The following WNT7B variants were observed in gnomAD, a reference collection of about 807,000 sequenced individuals.
WNT7B encodes the protein Wnt family member 7B, also known as protein Wnt-7b.
Under a neutral mutation model 38.2 loss-of-function variants are expected in WNT7B, and 19 were observed. The observed-to-expected ratio is 0.50, with a 90% CI of 0.35 to 0.73. WNT7B has a LOEUF of 0.73. Among genes scored for constraint, WNT7B ranks in the 30% least tolerant of loss-of-function variants. The pLI is 0.01. For synonymous variants in WNT7B, 243 were observed against 209.3 expected (o/e 1.16, Z -1.39); for missense variants, 423 against 507.9 (o/e 0.83, Z 1.61).
At chr22:45,939,283 C>G (rs895360681) in intron 2 of WNT7B, among the ~76,000 whole-genome samples, 1 of 152,164 alleles carries the variant, frequency 6.6e-6, no homozygotes, top group African/African-American at 2.4e-5. Flanking sequence ...CACTGCCACT[C>G]CTATGCATAC....
intron 3 of WNT7B, chr22:45,926,593 G>A (rs965750394): frequency 1.3e-5 from 13 of 985,390 alleles, no homozygotes; most frequent in East Asian, 1.1e-4. Flanking sequence ...CACTGGGGCC[G>A]ACAGAAGGCA....
chr22:45,928,118 C>T (rs1190423898), intron 3 of WNT7B, among the ~76,000 whole-genome samples: 1 of 152,190 alleles, frequency 6.6e-6, no homozygotes. Context: ...AACAGGTGTC[C>T]TTTGCTCTAA....
chr22:45,942,658 C>T (rs567035636), intron 2 of WNT7B, among the ~76,000 whole-genome samples: 7 of 150,148 alleles, frequency 4.7e-5, no homozygotes, highest in Admixed American at 3.3e-4. Context: ...CCTAATTCTG[C>T]GGCTTACACG....
At chr22:45,960,625 CG>C (rs1932175040) in intron 1 of WNT7B, among the ~76,000 whole-genome samples, 1 of 152,244 alleles carries the variant, frequency 6.6e-6, no homozygotes, top group South Asian at 2.1e-4. Context: ...GCTTCTGGCC[CG>C]GGGCGCTTTG....
intron 1 of WNT7B, among the ~76,000 whole-genome samples, chr22:45,961,640 C>T (rs1165103967): frequency 5.2e-5 from 7 of 135,158 alleles, no homozygotes; most frequent in East Asian, 2.2e-4. Context: ...TGGGCAAGGA[C>T]GGGGCTGGGG....
chr22:45,972,293 CCAGCTGAGGCCGGGGT>C (rs1289526801), intron 1 of WNT7B: 7 of 548,960 alleles, frequency 1.3e-5, no homozygotes, highest in Non-Finnish European at 2.3e-5. Flanking sequence ...GGCGCCTGGG[CCAGCTGAGGCCGGGGT>C]CCCCGCGGAG....
Position 45,927,637 on chromosome 22 carries a change from T to C in WNT7B, c.570+3461A>G, listed in dbSNP as rs938331338. The C allele has an allele frequency of 1.6e-5, 13 of 792,876 alleles. No homozygotes were observed. In the South Asian group the frequency reaches 1.9e-4, roughly 11 times the overall value. The allele number at this position is 792,876 out of a possible 1,614,324, so 49.1% of individuals were successfully genotyped here. A position where few individuals can be genotyped will look rare whatever the true frequency, so the allele number is the denominator to read the frequency against. On this transcript the variant is annotated intron_variant, in intron 3 of 3. Transcript: ENST00000339464. ...AGGGCCAGGTGCAGTGGCTCACACCTGTAATCCAAGCACTTTGGGAGGCCG... is the reference window on the plus strand; with the variant it reads ...AGGGCCAGGTGCAGTGGCTCACACCCGTAATCCAAGCACTTTGGGAGGCCG...
intron 3 of WNT7B, chr22:45,927,082 C>T (rs1931108297): frequency 2.0e-6 from 2 of 985,432 alleles, no homozygotes; most frequent in Non-Finnish European, 2.4e-6. Context: ...GCCCCCAGGC[C>T]TCTGCAGATG....
At chr22:45,926,184 G>A in intron 3 of WNT7B, 1 of 985,442 alleles carries the variant, frequency 1.0e-6, no homozygotes, top group African/African-American at 1.7e-5. Flanking sequence ...AGTGATCACA[G>A]GGTTCAAGAA....
At chr22:45,935,289 G>A (rs138351855) in intron 2 of WNT7B, among the ~76,000 whole-genome samples, 307 of 152,280 alleles carry the variant, frequency 2.0e-3, no homozygotes, top group South Asian at 4.1e-3. Flanking sequence ...CCTCTGAGAC[G>A]ACTTCCAGTG....
At chr22:45,945,247 C>T (rs1931766797) in intron 2 of WNT7B, among the ~76,000 whole-genome samples, 1 of 152,110 alleles carries the variant, frequency 6.6e-6, no homozygotes, top group Admixed American at 6.5e-5. Context: ...CCACACTCAG[C>T]TAATTTTGAA....
chr22:45,932,117 C>T (rs1931382629), intron 2 of WNT7B, among the ~76,000 whole-genome samples: 1 of 152,174 alleles, frequency 6.6e-6, no homozygotes, highest in Non-Finnish European at 1.5e-5. Flanking sequence ...CCAGCTGGTT[C>T]CCTCCAAGGG....
intron 1 of WNT7B, among the ~76,000 whole-genome samples, chr22:45,963,649 C>G (rs1005042807): frequency 3.3e-5 from 5 of 152,294 alleles, no homozygotes; most frequent in South Asian, 2.1e-4. Flanking sequence ...CTTTTCCCCC[C>G]ACCTTTGGGC....
intron 1 of WNT7B, among the ~76,000 whole-genome samples, chr22:45,969,511 G>A (rs1246612274): frequency 3.3e-5 from 5 of 152,214 alleles, no homozygotes; most frequent in Non-Finnish European, 7.3e-5. Flanking sequence ...ACTGACCCCC[G>A]CTGGCCCTGG....
chr22:45,925,525 C>T lies in WNT7B; in HGVS notation c.571-2190G>A, dbSNP rs73175049. On this transcript the variant is annotated intron_variant, in intron 3 of 3. Coordinates refer to ENST00000339464, the MANE Select transcript of WNT7B (RefSeq NM_058238.3). ...AGGTCATGGGCCAGAGCCTGGACTGCGTGTCTGGGCGACCCCCAGAGAGTA... is the reference window on the plus strand; with the variant it reads ...AGGTCATGGGCCAGAGCCTGGACTGTGTGTCTGGGCGACCCCCAGAGAGTA... 8,319 of 985,232 alleles carry T rather than the reference C, an allele frequency of 8.4e-3. 48 individuals are homozygous for T. Among genetic ancestry groups the T allele is most frequent in the Non-Finnish European group, 9.6e-3 (7,942 of 829,868 alleles). The allele number at this position is 985,232 out of a possible 1,614,324, so 61.0% of individuals were successfully genotyped here. A position where few individuals can be genotyped will look rare whatever the true frequency, so the allele number is the denominator to read the frequency against.
At chr22:45,928,795 C>T (rs1174510302) in intron 3 of WNT7B, among the ~76,000 whole-genome samples, 1 of 152,228 alleles carries the variant, frequency 6.6e-6, no homozygotes, top group Non-Finnish European at 1.5e-5. Flanking sequence ...CCTGCAATGG[C>T]ACCTGTAGCC....
intron 2 of WNT7B, among the ~76,000 whole-genome samples, chr22:45,941,368 T>C (rs1455657001): frequency 1.3e-5 from 2 of 151,962 alleles, no homozygotes. Context: ...AAAATTAGTC[T>C]GGTGTGGTGG....
At chr22:45,948,184 CCT>C (rs1339401102) in intron 2 of WNT7B, among the ~76,000 whole-genome samples, 1 of 152,236 alleles carries the variant, frequency 6.6e-6, no homozygotes, top group Non-Finnish European at 1.5e-5. Flanking sequence ...CCCACAGCTG[CCT>C]CTGAGCCCGC....
chr22:45,949,825 G>C (rs1319834843), intron 2 of WNT7B, 95 bp downstream of exon 2: 1 of 1,252,650 alleles, frequency 8.0e-7, no homozygotes, highest in Non-Finnish European at 1.1e-6. Context: ...GGAGATGTGT[G>C]CAGAACAGCG....
Sources: gnomAD v4.1 joint callset for allele counts (sites outside exome capture counted in the v4.1 genomes callset) on GRCh38, gnomAD v4.1.1 for gene constraint, MANE v1.5 for transcripts, NCBI Gene and HGNC (gene_info 2026-07-23, HGNC 2026-07-21) for gene names.